The following DCK variants were observed in gnomAD, a reference collection of about 807,000 sequenced individuals.
DCK encodes the protein deoxycytidine kinase, also known as deoxyadenosine kinase.
Under a neutral mutation model 38.3 loss-of-function variants are expected in DCK, and 23 were observed. The ratio of observed to expected loss-of-function variants is 0.60; its 90% CI spans 0.43 to 0.85. DCK has a LOEUF of 0.85. Ranked by LOEUF, DCK falls within the 40% of genes least tolerant of loss-of-function variation. The pLI is 0.00. For missense variants in DCK, 259 were observed against 304.4 expected, an observed-to-expected ratio of 0.85 and a Z score of 1.11; for synonymous variants, 108 against 100.6, an observed-to-expected ratio of 1.07 and a Z score of -0.44.
At chr4:71,015,510 T>A (rs1183034363) in intron 2 of DCK, among the ~76,000 whole-genome samples, 2 of 152,204 alleles carry the variant, frequency 1.3e-5, no homozygotes, top group Non-Finnish European at 2.9e-5. Flanking sequence ...ATATCCCTGA[T>A]GAACATCGAT....
At chr4:71,014,109 T>G (rs1217760724) in intron 2 of DCK, among the ~76,000 whole-genome samples, 2 of 152,008 alleles carry the variant, frequency 1.3e-5, no homozygotes, top group East Asian at 1.9e-4. Flanking sequence ...AAAAGGCAGG[T>G]GTTGTAATCC....
intron 4 of DCK, among the ~76,000 whole-genome samples, chr4:71,025,154 A>G (rs1740515461): frequency 6.6e-6 from 1 of 152,030 alleles, no homozygotes; most frequent in Non-Finnish European, 1.5e-5. Context: ...TTTTTTATGT[A>G]TGTGTGCTTT....
intron 2 of DCK, among the ~76,000 whole-genome samples, chr4:70,998,889 C>T (rs1310284507): frequency 6.6e-6 from 1 of 150,928 alleles, no homozygotes; most frequent in Non-Finnish European, 1.5e-5. Flanking sequence ...CGCCACTGTG[C>T]TCCAGCCTGG....
intron 2 of DCK, among the ~76,000 whole-genome samples, chr4:71,010,401 A>C (rs1740056653): frequency 6.6e-6 from 1 of 151,254 alleles, no homozygotes; most frequent in East Asian, 1.9e-4. Context: ...GTGGTGATTT[A>C]TGTTATTATT....
At position 71,022,419 on chromosome 4, in the gene DCK, A is replaced by G. The variant is rs1265711967; in HGVS notation, c.260A>G (p.Glu87Gly). Reference protein sequence around the residue: ...NGGNVLQMMYEKPERWSFTFQ... With the variant: ...NGGNVLQMMYGKPERWSFTFQ... ...GGGAATGTTCTTCAGATGATGTATG[A>G]GAAACCTGAACGATGGTCTTTTACC... is the stretch of plus-strand genomic sequence containing the variant. The change falls in exon 3 of 7, where the codon GAG becomes GGG. Residue 87 changes from glutamate (E) to glycine (G), a missense_variant. This residue lies in a region of DCK where 159 missense variants were observed against 159.0 expected (regional missense o/e 1.00). Transcript: ENST00000286648. 1.2e-6 allele frequency: 2 copies of G among 1,602,430 alleles called. No individual in the cohort carries two copies. Among genetic ancestry groups the G allele is most frequent in the Non-Finnish European group, 8.5e-7 (1 of 1,175,454 alleles).
At chr4:71,008,232 A>G (rs1418216129) in intron 2 of DCK, among the ~76,000 whole-genome samples, 1 of 152,092 alleles carries the variant, frequency 6.6e-6, no homozygotes, top group Non-Finnish European at 1.5e-5. Context: ...TGGCTTTCCA[A>G]TTTTCTCTCC....
chr4:70,997,388 T>C (rs563376983), intron 1 of DCK, among the ~76,000 whole-genome samples: 13 of 152,356 alleles, frequency 8.5e-5, no homozygotes, highest in African/African-American at 3.1e-4. Context: ...CTCACTGTTA[T>C]CCAGTTTATC....
chr4:70,997,967 A>T (rs1470508805), intron 1 of DCK, 100 bp from the exon 2 acceptor site: 5 of 517,804 alleles, frequency 9.7e-6, no homozygotes, highest in African/African-American at 2.0e-5. Context: ...TGGGCTTTTT[A>T]TGTTGCTTGC....
rs1315393564 is a variant in DCK at position 70,998,123 on chromosome 4, GTGGTTCCTGAACCTGT to G, written c.151_166del (p.Val51ProfsTer29). Reference sequence around the variant, plus strand: ...TAAACAATTGTGTGAAGATTGGGAAGTGGTTCCTGAACCTGTTGCCAGATGGTGCAATGTTCAAAGT... The same window carrying G: ...TAAACAATTGTGTGAAGATTGGGAAGTGCCAGATGGTGCAATGTTCAAAGT... On this transcript the variant is annotated frameshift_variant, in exon 2 of 7. Coordinates refer to ENST00000286648, the MANE Select transcript of DCK (RefSeq NM_000788.3). LOFTEE classifies it high-confidence loss of function. 1 of 1,609,654 alleles carries G rather than the reference GTGGTTCCTGAACCTGT, an allele frequency of 6.2e-7. No individual in the cohort carries two copies. Among genetic ancestry groups the G allele is most frequent in the East Asian group, 2.2e-5 (1 of 44,752 alleles).
intron 2 of DCK, among the ~76,000 whole-genome samples, chr4:71,012,977 G>A (rs1405137994): frequency 6.6e-6 from 1 of 152,208 alleles, no homozygotes. Context: ...AGCTAAAGGA[G>A]GAAGTTCGAA....
chr4:71,025,914 C>G lies in DCK; in HGVS notation c.648C>G (p.Leu216=), dbSNP rs756106735. The G allele has an allele frequency of 4.4e-6, 7 of 1,607,250 alleles. No homozygotes were observed. The South Asian group carries it at 6.7e-5, about 15-fold the overall frequency. Residue 216 remains leucine (L), a synonymous_variant, in exon 5 of 7, where the codon CTC becomes CTG. Transcript: ENST00000286648. ...EKLHYKHESW[L]LHRTLKTNFD... The stretch of plus-strand genomic sequence containing the variant: ...TTCATTATAAACATGAAAGCTGGCT[C>G]CTGCATAGGACACTGAAGTAAGACT...
intron 6 of DCK, 30 bp downstream of exon 6, chr4:71,026,785 T>G (rs761353817): frequency 8.7e-7 from 1 of 1,152,998 alleles, no homozygotes; most frequent in South Asian, 1.3e-5. Flanking sequence ...AAACAAATAT[T>G]TGTTTTTTCT....
intron 2 of DCK, among the ~76,000 whole-genome samples, chr4:71,002,437 C>T (rs1017988530): frequency 1.3e-5 from 2 of 152,136 alleles, no homozygotes; most frequent in Non-Finnish European, 2.9e-5. Context: ...AATGTATATT[C>T]TGTTGATTTG....
chr4:71,002,349 C>G (rs1416134271), intron 2 of DCK, among the ~76,000 whole-genome samples: 1 of 152,122 alleles, frequency 6.6e-6, no homozygotes, highest in Non-Finnish European at 1.5e-5. Flanking sequence ...GATTTCCATT[C>G]TTTTGCATTT....
intron 2 of DCK, among the ~76,000 whole-genome samples, chr4:71,008,394 A>G (rs1372230473): frequency 6.6e-6 from 1 of 151,970 alleles, no homozygotes; most frequent in East Asian, 1.9e-4. Flanking sequence ...TCCTTTTCAT[A>G]TGTTTATTAG....
rs552161450 is a variant in DCK at position 71,018,313 on chromosome 4, A to G, written c.208-4054A>G. 2.6e-4 allele frequency among the ~76,000 whole-genome samples: 39 copies of G among 152,058 alleles called. No individual in the cohort carries two copies. The East Asian group carries it at 7.0e-3, about 27-fold the overall frequency. ...CGCTATTTTTTTTGGTATTTTTAGT[A>G]GAGACAGGGTTTCACCGTGTTAGCC... On this transcript the variant is annotated intron_variant, in intron 2 of 6. Transcript: ENST00000286648.
chr4:71,010,901 TG>T (rs1740074215), intron 2 of DCK, among the ~76,000 whole-genome samples: 1 of 151,592 alleles, frequency 6.6e-6, no homozygotes, highest in Non-Finnish European at 1.5e-5. Flanking sequence ...TACTTATTTA[TG>T]ACAGAACAGC....
intron 6 of DCK, 74 bp from the exon 7 acceptor site, chr4:71,029,278 T>G: frequency 1.0e-6 from 1 of 981,214 alleles, no homozygotes. Flanking sequence ...TATATACTTT[T>G]AAATGAAGAT....
At chr4:71,011,979 A>G (rs571476934) in intron 2 of DCK, among the ~76,000 whole-genome samples, 1 of 152,324 alleles carries the variant, frequency 6.6e-6, no homozygotes, top group South Asian at 2.1e-4. Context: ...GGTGGAGGTG[A>G]TATGTAATTT....
Sources: gnomAD v4.1 joint callset for allele counts (sites outside exome capture counted in the v4.1 genomes callset) on GRCh38, gnomAD v4.1.1 for gene constraint, gnomAD v4.1.1 regional missense constraint, MANE v1.5 for transcripts, NCBI Gene and HGNC (gene_info 2026-07-23, HGNC 2026-07-21) for gene names.